Variants in ASAP1 observed in about 807,000 individuals in gnomAD.
ASAP1 encodes the protein ArfGAP with SH3 domain, ankyrin repeat and PH domain 1.
Under a neutral mutation model 145.2 loss-of-function variants are expected in ASAP1, and 43 were observed. The observed-to-expected ratio is 0.30, with a 90% confidence interval of 0.23 to 0.38. ASAP1 has a LOEUF of 0.38. ASAP1 is among the 10% of genes least tolerant of loss of function. ASAP1 has a pLI of 1.00. For missense variants in ASAP1, 1,018 were observed against 1,355.3 expected (o/e 0.75, Z 3.91); for synonymous variants, 546 against 515.5 (o/e 1.06, Z -0.80).
At chr8:130,253,625 C>G (rs1819337884) in intron 3 of ASAP1, among the ~76,000 whole-genome samples, 1 of 152,136 alleles carries the variant, frequency 6.6e-6, no homozygotes, top group African/African-American at 2.4e-5. Flanking sequence ...TAACTTCCGT[C>G]TGCCATTTTT....
intron 7 of ASAP1, 52 bp from the exon 8 acceptor site, chr8:130,180,932 C>A (rs765216675): frequency 5.4e-6 from 8 of 1,475,668 alleles, no homozygotes; most frequent in Non-Finnish European, 7.4e-6. Flanking sequence ...CACTCATGTA[C>A]AATACCAACA....
At chr8:130,340,404 C>G (rs1337532279) in intron 3 of ASAP1, among the ~76,000 whole-genome samples, 4 of 152,210 alleles carry the variant, frequency 2.6e-5, no homozygotes, top group Non-Finnish European at 5.9e-5. Context: ...CACAAATTAA[C>G]TCACCCTGGG....
intron 22 of ASAP1, among the ~76,000 whole-genome samples, chr8:130,116,041 T>C (rs2097555299): frequency 6.6e-6 from 1 of 152,214 alleles, no homozygotes; most frequent in Admixed American, 6.5e-5. Flanking sequence ...GTCTTTGAAG[T>C]TTAAGACGTA....
chr8:130,292,620 C>G (rs1216560622), intron 3 of ASAP1, among the ~76,000 whole-genome samples: 1 of 152,182 alleles, frequency 6.6e-6, no homozygotes, highest in Non-Finnish European at 1.5e-5. Context: ...CCAGATTATT[C>G]TCTACTATAA....
chr8:130,120,115 A>T lies in ASAP1; in HGVS notation c.1608-1440T>A, dbSNP rs2097563303. Among the ~76,000 whole-genome samples, 4 of 152,180 alleles carry T rather than the reference A, an allele frequency of 2.6e-5. No homozygotes were observed. In the South Asian group the frequency reaches 8.3e-4, roughly 32 times the overall value. On this transcript the variant is annotated intron_variant, in intron 18 of 29. Coordinates refer to ENST00000518721, the MANE Select transcript of ASAP1 (RefSeq NM_018482.4). ...CTCAACCCTGTGCAGTTGAGAAGAG[A>T]CCAACTGATTCTACTAAGTAACCAA...
chr8:130,326,307 C>T (rs1478160345), intron 3 of ASAP1, among the ~76,000 whole-genome samples: 1 of 152,226 alleles, frequency 6.6e-6, no homozygotes, highest in Non-Finnish European at 1.5e-5. Flanking sequence ...GATTACAGTA[C>T]TCATGCACCG....
At chr8:130,413,349 C>T (rs78342696) in intron 1 of ASAP1, among the ~76,000 whole-genome samples, 2 of 152,312 alleles carry the variant, frequency 1.3e-5, no homozygotes, top group Non-Finnish European at 2.9e-5. Context: ...CATCAGCCCA[C>T]TTGACCACAC....
chr8:130,344,641 G>A (rs906176242), intron 3 of ASAP1, among the ~76,000 whole-genome samples: 1 of 152,232 alleles, frequency 6.6e-6, no homozygotes, highest in Non-Finnish European at 1.5e-5. Flanking sequence ...GGAGGCTGAA[G>A]CGAGATCACT....
In ASAP1 at chr8:130,393,438, T is replaced by A. The variant is rs1324277374; in HGVS notation, c.59+8447A>T. Reference sequence around the variant, plus strand: ...GTGGGCCTGGTACTCTTTTAAACATTTGATCCCACCTGGCCCTCACAAAGA... The same window carrying A: ...GTGGGCCTGGTACTCTTTTAAACATATGATCCCACCTGGCCCTCACAAAGA... On this transcript the variant is annotated intron_variant, in intron 2 of 29. Transcript: ENST00000518721. Among the ~76,000 whole-genome samples the A allele has an allele frequency of 2.0e-5, 3 of 152,046 alleles. No individual in the cohort carries two copies. In the East Asian group the frequency reaches 5.8e-4, roughly 29 times the overall value.
chr8:130,204,888 G>A (rs1158404002), intron 5 of ASAP1, among the ~76,000 whole-genome samples: 1 of 152,178 alleles, frequency 6.6e-6, no homozygotes, highest in Non-Finnish European at 1.5e-5. Context: ...AAGTGCCAGT[G>A]CCTGGCATAC....
At chr8:130,413,760 T>G (rs1829361008) in intron 1 of ASAP1, among the ~76,000 whole-genome samples, 1 of 152,200 alleles carries the variant, frequency 6.6e-6, no homozygotes, top group Admixed American at 6.5e-5. Flanking sequence ...CCTATATATC[T>G]GCATTTTTAA....
intron 3 of ASAP1, among the ~76,000 whole-genome samples, chr8:130,253,088 CTTAG>C (rs1166398241): frequency 6.6e-6 from 1 of 152,100 alleles, no homozygotes; most frequent in Non-Finnish European, 1.5e-5. Flanking sequence ...GTCATTCAGG[CTTAG>C]TTACACAATT....
At chr8:130,331,177 G>C (rs1387697942) in intron 3 of ASAP1, among the ~76,000 whole-genome samples, 1 of 152,212 alleles carries the variant, frequency 6.6e-6, no homozygotes, top group East Asian at 1.9e-4. Context: ...GGGCTCCAAA[G>C]TTAAGGAAAG....
At chr8:130,079,423 T>TA (rs901701086) in intron 26 of ASAP1, among the ~76,000 whole-genome samples, 29 of 147,048 alleles carry the variant, frequency 2.0e-4, no homozygotes, top group East Asian at 1.6e-3. Flanking sequence ...CAGCCTAGCC[T>TA]AAAAAAAAAA....
chr8:130,199,154 C>T (rs1815701671), intron 5 of ASAP1, among the ~76,000 whole-genome samples: 1 of 152,212 alleles, frequency 6.6e-6, no homozygotes, highest in Admixed American at 6.5e-5. Context: ...TCACAGAGTA[C>T]TGCACTTTAC....
intron 3 of ASAP1, among the ~76,000 whole-genome samples, chr8:130,342,294 T>C (rs1358984986): frequency 6.6e-6 from 1 of 152,164 alleles, no homozygotes; most frequent in Non-Finnish European, 1.5e-5. Context: ...GTCAAGTCAC[T>C]CCTTCCCTCA....
At chr8:130,181,889 A>C (rs926469410) in intron 7 of ASAP1, among the ~76,000 whole-genome samples, 1 of 152,232 alleles carries the variant, frequency 6.6e-6, no homozygotes, top group Non-Finnish European at 1.5e-5. Context: ...TTATCCGTCA[A>C]GTCTTCTTTA....
chr8:130,222,780 T>G (rs937703119), intron 4 of ASAP1, among the ~76,000 whole-genome samples: 7 of 152,238 alleles, frequency 4.6e-5, no homozygotes, highest in Admixed American at 1.3e-4. Flanking sequence ...GTTCACAATT[T>G]AGAAACTGGT....
At chr8:130,261,261 C>T (rs562214258) in intron 3 of ASAP1, among the ~76,000 whole-genome samples, 8 of 152,188 alleles carry the variant, frequency 5.3e-5, no homozygotes, top group Non-Finnish European at 1.2e-4. Context: ...TAAACACAGG[C>T]CAGTTACTTT....
Sources: allele counts gnomAD v4.1 joint callset (sites outside exome capture counted in the v4.1 genomes callset), GRCh38; gene constraint gnomAD v4.1.1; transcripts MANE v1.5; gene names NCBI Gene and HGNC (gene_info 2026-07-23, HGNC 2026-07-21).